ATXN1: variants seen among roughly 807,000 people sequenced by gnomAD.
ATXN1 encodes ataxin 1, also known as ataxin-1.
Under a neutral mutation model 56.4 loss-of-function variants are expected in ATXN1, and 8 were observed. The ratio of observed to expected loss-of-function variants is 0.14; its 90% CI spans 0.08 to 0.26. The LOEUF is 0.26. Ranked by LOEUF, ATXN1 falls within the 10% of genes least tolerant of loss-of-function variation. ATXN1 has a pLI of 1.00. For missense variants in ATXN1, 987 were observed against 1,106.5 expected (o/e 0.89, Z 1.53); for synonymous variants, 514 against 494.6 (o/e 1.04, Z -0.52).
chr6:16,449,367 A>T (rs1759706608), intron 6 of ATXN1, among the ~76,000 whole-genome samples: 1 of 152,224 alleles, frequency 6.6e-6, no homozygotes, highest in Admixed American at 6.5e-5. Flanking sequence ...CAGACATACC[A>T]TGCTTATGGT....
chr6:16,564,294 G>A (rs2113742727), intron 4 of ATXN1, among the ~76,000 whole-genome samples: 1 of 142,782 alleles, frequency 7.0e-6, no homozygotes, highest in Middle Eastern at 3.4e-3. Context: ...CCATCGTGAA[G>A]CGAACAAATG....
intron 2 of ATXN1, among the ~76,000 whole-genome samples, chr6:16,731,532 A>G (rs1476836414): frequency 2.0e-5 from 3 of 146,712 alleles, no homozygotes; most frequent in African/African-American, 7.5e-5. Flanking sequence ...TGAAAAATAA[A>G]CCAGAGCGAC....
intron 6 of ATXN1, among the ~76,000 whole-genome samples, chr6:16,419,442 C>T (rs905264259): frequency 1.9e-4 from 28 of 151,338 alleles, no homozygotes; most frequent in East Asian, 1.9e-4. Context: ...TAAATATATA[C>T]ATTAATATAT....
intron 7 of ATXN1, among the ~76,000 whole-genome samples, chr6:16,310,733 C>A (rs1437462363): frequency 1.3e-5 from 2 of 152,176 alleles, no homozygotes; most frequent in African/African-American, 4.8e-5. Flanking sequence ...ATGATCCACC[C>A]GCCTCAGTCT....
chr6:16,669,425 T>C (rs978119430), intron 2 of ATXN1, among the ~76,000 whole-genome samples: 1 of 152,216 alleles, frequency 6.6e-6, no homozygotes, highest in African/African-American at 2.4e-5. Context: ...GGGCGTGGCG[T>C]ACACTGACTC....
Position 16,730,090 on chromosome 6 carries a change from C to A in ATXN1, c.-615+23143G>T, listed in dbSNP as rs186709567. 7.2e-5 allele frequency among the ~76,000 whole-genome samples: 11 copies of A among 152,312 alleles called. 1 individual carries two copies. Among genetic ancestry groups the A allele is most frequent in the Middle Eastern group, 3.4e-3 (1 of 294 alleles). On this transcript the variant is annotated intron_variant, in intron 2 of 7. Coordinates refer to ENST00000436367, the MANE Select transcript of ATXN1 (RefSeq NM_001128164.2). ...TTGAGGTCAGGAGTTCAAGACCAGC[C>A]TGACCAACACGGTGAAACCCAATCT...
At chr6:16,563,889 G>A (rs964832813) in intron 4 of ATXN1, among the ~76,000 whole-genome samples, 2 of 152,278 alleles carry the variant, frequency 1.3e-5, no homozygotes, top group African/African-American at 2.4e-5. Flanking sequence ...GGCTTAGGAC[G>A]GAGCATCTGA....
intron 4 of ATXN1, among the ~76,000 whole-genome samples, chr6:16,536,651 T>C (rs1761603327): frequency 6.6e-6 from 1 of 152,194 alleles, no homozygotes; most frequent in Non-Finnish European, 1.5e-5. Context: ...TAACCTCTTT[T>C]ACAGAAAACT....
chr6:16,730,487 G>GTGTATATATATATATATATATA lies in ATXN1; in HGVS notation c.-615+22745_-615+22746insTATATATATATATATATATACA, dbSNP rs141836403. On this transcript the variant is annotated intron_variant, in intron 2 of 7. Transcript: ENST00000436367. ...CTGGAGTTAAAGGGTAAAACAGTATGTATATATATATATATATATAAATGT... is the reference window on the plus strand; with the variant it reads ...CTGGAGTTAAAGGGTAAAACAGTATGTGTATATATATATATATATATATATATATATATATATATATAAATGT... 8.9e-3 allele frequency among the ~76,000 whole-genome samples: 1,177 copies of GTGTATATATATATATATATATA among 131,924 alleles called. 63 individuals are homozygous for GTGTATATATATATATATATATA. Among genetic ancestry groups the GTGTATATATATATATATATATA allele is most frequent in the South Asian group, 0.021 (82 of 3,922 alleles). The allele number at this position is 131,924 out of a possible 152,430, so 86.5% of individuals were successfully genotyped here. A position where few individuals can be genotyped will look rare whatever the true frequency, so the allele number is the denominator to read the frequency against.
Position 16,452,224 on chromosome 6 carries a change from T to C in ATXN1, c.-161+33748A>G, listed in dbSNP as rs114466279. Among the ~76,000 whole-genome samples the C allele has an allele frequency of 8.5e-3, 1,291 of 152,280 alleles. 5 individuals carry two copies. The highest frequency in any genetic ancestry group is 0.015 in the Non-Finnish European group (988 of 68,030). On this transcript the variant is annotated intron_variant, in intron 6 of 7. Transcript: ENST00000436367. ...CACCAGACTGTGAGCTTTTTGAGGG[T>C]AAAGATTATGTTTTCTCCGAGTTCA...
chr6:16,594,486 T>A (rs1352819678), intron 3 of ATXN1, among the ~76,000 whole-genome samples: 9 of 150,216 alleles, frequency 6.0e-5, no homozygotes, highest in African/African-American at 2.0e-4. Flanking sequence ...TTTTTTTTTT[T>A]ATTTATTTAT....
intron 3 of ATXN1, among the ~76,000 whole-genome samples, chr6:16,613,842 A>G (rs922636426): frequency 2.2e-4 from 33 of 152,092 alleles, no homozygotes; most frequent in African/African-American, 8.0e-4. Context: ...AAAATAAAAT[A>G]ATATAAATAG....
chr6:16,343,179 CTAAAAAATA>C (rs1159226033), intron 6 of ATXN1, among the ~76,000 whole-genome samples: 3 of 152,072 alleles, frequency 2.0e-5, no homozygotes, highest in African/African-American at 7.2e-5. Flanking sequence ...CCTGTCTCTA[CTAAAAAATA>C]GAAAAAATTA....
At chr6:16,671,887 T>C (rs907125427) in intron 2 of ATXN1, among the ~76,000 whole-genome samples, 1 of 152,252 alleles carries the variant, frequency 6.6e-6, no homozygotes, top group Non-Finnish European at 1.5e-5. Context: ...ATGTTTATTC[T>C]AACCTCTAAC....
At chr6:16,339,844 G>T (rs969032440) in intron 6 of ATXN1, among the ~76,000 whole-genome samples, 1 of 152,140 alleles carries the variant, frequency 6.6e-6, no homozygotes, top group African/African-American at 2.4e-5. Flanking sequence ...GTGCAGTGGC[G>T]TGATCTCGGC....
chr6:16,735,150 A>C (rs796685219), intron 2 of ATXN1, among the ~76,000 whole-genome samples: 3 of 152,316 alleles, frequency 2.0e-5, no homozygotes, highest in African/African-American at 7.2e-5. Context: ...CCCACCACTT[A>C]CTAGCTCTGT....
intron 4 of ATXN1, among the ~76,000 whole-genome samples, chr6:16,558,677 A>G (rs1762060050): frequency 6.6e-6 from 1 of 152,204 alleles, no homozygotes; most frequent in African/African-American, 2.4e-5. Context: ...GGCCAAAACT[A>G]TTATTTTTAA....
In ATXN1 at chr6:16,594,094, T is replaced by C. The variant is rs78729178; in HGVS notation, c.-488-8187A>G. Among the ~76,000 whole-genome samples the C allele has an allele frequency of 5.2e-3, 774 of 149,382 alleles. 4 individuals carry two copies. Among genetic ancestry groups the C allele is most frequent in the African/African-American group, 0.018 (730 of 40,926 alleles). ...ACTAATATATATTAGTCTACAGGGA[T>C]AGAAGCTAATATATATTAGTCTAAT... On this transcript the variant is annotated intron_variant, in intron 3 of 7. Transcript: ENST00000436367.
chr6:16,428,311 G>A (rs1401797453), intron 6 of ATXN1, among the ~76,000 whole-genome samples: 1 of 151,818 alleles, frequency 6.6e-6, no homozygotes, highest in Non-Finnish European at 1.5e-5. Context: ...TTGCGACGGG[G>A]TTTCACCATG....
Sources: gnomAD v4.1 joint callset for allele counts (sites outside exome capture counted in the v4.1 genomes callset) on GRCh38, gnomAD v4.1.1 for gene constraint, MANE v1.5 for transcripts, NCBI Gene and HGNC (gene_info 2026-07-23, HGNC 2026-07-21) for gene names.